Variants in TMEM45B observed in about 807,000 individuals in gnomAD.
TMEM45B encodes transmembrane protein 45B.
In TMEM45B, 29 loss-of-function variants were observed where a neutral mutation model predicts 27.3. The observed-to-expected ratio is 1.06, with a 90% confidence interval of 0.79 to 1.45. The LOEUF (loss-of-function observed/expected upper bound fraction) is 1.45. Ranked by LOEUF, TMEM45B falls within the 40% of genes most tolerant of loss-of-function variation. The pLI is 0.00. For missense variants in TMEM45B, 348 were observed against 343.9 expected (o/e 1.01, Z -0.09); for synonymous variants, 143 against 134.7 (o/e 1.06, Z -0.43).
intron 3 of TMEM45B, 135 bp downstream of exon 3, chr11:129,854,951 A>T (rs1050296288): frequency 2.4e-5 from 24 of 994,944 alleles, no homozygotes; most frequent in Non-Finnish European, 3.4e-5. Context: ...GACTGCCAAA[A>T]CCTGAATAGG....
chr11:129,839,832 A>G (rs2135578330), intron 1 of TMEM45B, among the ~76,000 whole-genome samples: 1 of 152,120 alleles, frequency 6.6e-6, no homozygotes, highest in East Asian at 1.9e-4. Context: ...ACTGCACCTG[A>G]CCTAAAAGCA....
At chr11:129,857,947 G>A (rs1449781454) in intron 5 of TMEM45B, among the ~76,000 whole-genome samples, 1 of 152,192 alleles carries the variant, frequency 6.6e-6, no homozygotes, top group Non-Finnish European at 1.5e-5. Context: ...CTATGCACTT[G>A]CTGCGCCCCA....
chr11:129,837,346 C>T (rs1367621695), intron 1 of TMEM45B, among the ~76,000 whole-genome samples: 2 of 151,802 alleles, frequency 1.3e-5, no homozygotes, highest in Non-Finnish European at 2.9e-5. Flanking sequence ...AGTGCAGTGG[C>T]GCCATCTCAG....
At chr11:129,835,853 C>A (rs1308438223) in intron 1 of TMEM45B, among the ~76,000 whole-genome samples, 1 of 152,244 alleles carries the variant, frequency 6.6e-6, no homozygotes, top group Non-Finnish European at 1.5e-5. Context: ...CGCAGTGGCT[C>A]ACGCCTGTAA....
At chr11:129,821,367 G>C (rs1947417897) in intron 1 of TMEM45B, among the ~76,000 whole-genome samples, 1 of 152,144 alleles carries the variant, frequency 6.6e-6, no homozygotes, top group Admixed American at 6.5e-5. Context: ...TGAAAAGACA[G>C]AGTCTAGAAC....
intron 1 of TMEM45B, among the ~76,000 whole-genome samples, chr11:129,848,304 A>G (rs369935541): frequency 0.039 from 5,884 of 151,828 alleles, 227 homozygotes; most frequent in African/African-American, 0.13. Context: ...CGCGGTTAGG[A>G]GCTGGAGACC....
chr11:129,822,983 G>T lies in TMEM45B; in HGVS notation c.-9+7085G>T, dbSNP rs181786652. On this transcript the variant is annotated intron_variant, in intron 1 of 5. Transcript: ENST00000281441. The stretch of plus-strand genomic sequence containing the variant: ...AGCCTCCTGAGTAGCTGGGATTACA[G>T]GCGCCCACCACCATGCCCAGCTAAT... Among the ~76,000 whole-genome samples, 43 of 151,932 alleles carry T rather than the reference G, an allele frequency of 2.8e-4. No individual in the cohort carries two copies. The East Asian group carries it at 6.8e-3, about 24-fold the overall frequency.
intron 1 of TMEM45B, among the ~76,000 whole-genome samples, chr11:129,843,194 GTCA>G (rs1947717255): frequency 6.6e-6 from 1 of 152,120 alleles, no homozygotes; most frequent in Non-Finnish European, 1.5e-5. Flanking sequence ...GCCTGCCTCA[GTCA>G]GCCTCCCAAA....
intron 1 of TMEM45B, among the ~76,000 whole-genome samples, chr11:129,835,658 G>A (rs1947611371): frequency 6.6e-6 from 1 of 152,214 alleles, no homozygotes; most frequent in Non-Finnish European, 1.5e-5. Flanking sequence ...TTCAGGGGCA[G>A]GTCTGGTGCC....
At chr11:129,818,705 T>A (rs1591431099) in intron 1 of TMEM45B, among the ~76,000 whole-genome samples, 1 of 152,184 alleles carries the variant, frequency 6.6e-6, no homozygotes, top group African/African-American at 2.4e-5. Context: ...ATTATCAGAA[T>A]CTAAATTTAG....
At chr11:129,846,979 G>A (rs982439264) in intron 1 of TMEM45B, among the ~76,000 whole-genome samples, 4 of 152,206 alleles carry the variant, frequency 2.6e-5, no homozygotes, top group Admixed American at 2.6e-4. Flanking sequence ...GCTCAGGATC[G>A]TATATGGCCT....
chr11:129,845,712 C>T (rs926800627), intron 1 of TMEM45B, among the ~76,000 whole-genome samples: 5 of 151,896 alleles, frequency 3.3e-5, no homozygotes, highest in South Asian at 4.1e-4. Flanking sequence ...CTAAATAAAC[C>T]GTCCCAATAA....
intron 4 of TMEM45B, among the ~76,000 whole-genome samples, chr11:129,856,569 TTTTTTTC>T (rs1416073534): frequency 8.6e-5 from 7 of 81,618 alleles, no homozygotes; most frequent in Non-Finnish European, 1.6e-4. Flanking sequence ...TTTTTTTTTT[TTTTTTTC>T]TGAGACAGAG....
chr11:129,816,630 G>A (rs1280666129), intron 1 of TMEM45B, among the ~76,000 whole-genome samples: 1 of 151,568 alleles, frequency 6.6e-6, no homozygotes, highest in Non-Finnish European at 1.5e-5. Context: ...AGGGAAGAAA[G>A]ATGTGAGTTT....
At position 129,856,040 on chromosome 11, in the gene TMEM45B, C is replaced by T. The variant is rs76050748; in HGVS notation, c.570+148C>T. ...GGGGTTTAGATGACCCTTTTCCCCC[C>T]ATGCCCGCCCTTTGACTCCTAGTTT... is the stretch of plus-strand genomic sequence containing the variant. On this transcript the variant is annotated intron_variant, in intron 4 of 5. Transcript: ENST00000281441. 1.3e-3 allele frequency: 1,127 copies of T among 898,954 alleles called. 11 individuals are homozygous for T. The African/African-American group carries it at 0.017, about 14-fold the overall frequency. 55.7% of individuals were successfully genotyped at this position (898,954 alleles called of 1,614,324 possible). A position where few individuals can be genotyped will look rare whatever the true frequency, so the allele number is the denominator to read the frequency against.
At chr11:129,830,517 T>C (rs1049292227) in intron 1 of TMEM45B, among the ~76,000 whole-genome samples, 4 of 152,154 alleles carry the variant, frequency 2.6e-5, no homozygotes, top group African/African-American at 9.7e-5. Flanking sequence ...CAAGCTTCTG[T>C]ACTTCAAGGA....
intron 1 of TMEM45B, among the ~76,000 whole-genome samples, chr11:129,846,939 G>A (rs1947768084): frequency 6.6e-6 from 1 of 152,186 alleles, no homozygotes; most frequent in African/African-American, 2.4e-5. Context: ...GTGTGGCAGG[G>A]GATGAGTGCT....
Position 129,858,788 on chromosome 11 carries a change from A to G in TMEM45B, c.*103A>G, listed in dbSNP as rs945511547. ...CTGTGGTCTGATCTTAAGGGTCTAT[A>G]TATTTGCACCTCCTCATTCAACACA... On this transcript the variant is annotated 3_prime_UTR_variant, in exon 6 of 6. Coordinates refer to ENST00000281441, the MANE Select transcript of TMEM45B (RefSeq NM_138788.5). The G allele has an allele frequency of 2.5e-6, 2 of 789,142 alleles. No homozygotes were observed. Among genetic ancestry groups the G allele is most frequent in the Admixed American group, 2.7e-5 (1 of 36,410 alleles). The allele number at this position is 789,142 out of a possible 1,614,324, so 48.9% of individuals were successfully genotyped here. A position where few individuals can be genotyped will look rare whatever the true frequency, so the allele number is the denominator to read the frequency against.
At chr11:129,837,345 G>A (rs1252574724) in intron 1 of TMEM45B, among the ~76,000 whole-genome samples, 2 of 151,806 alleles carry the variant, frequency 1.3e-5, no homozygotes, top group Non-Finnish European at 2.9e-5. Context: ...AAGTGCAGTG[G>A]CGCCATCTCA....
Sources: allele counts gnomAD v4.1 joint callset (sites outside exome capture counted in the v4.1 genomes callset), GRCh38; gene constraint gnomAD v4.1.1; transcripts MANE v1.5; gene names NCBI Gene and HGNC (gene_info 2026-07-23, HGNC 2026-07-21).